The following LSM14A variants were observed in gnomAD, a reference collection of about 807,000 sequenced individuals.
LSM14A encodes LSM14A mRNA processing body assembly factor.
Under a neutral mutation model 52.4 loss-of-function variants are expected in LSM14A, and 14 were observed. The ratio of observed to expected loss-of-function variants is 0.27; its 90% confidence interval spans 0.18 to 0.42. The LOEUF (loss-of-function observed/expected upper bound fraction) is 0.42. Among genes scored for constraint, LSM14A ranks in the 10% least tolerant of loss-of-function variants. LSM14A has a pLI of 1.00. For missense variants in LSM14A, 417 were observed against 581.8 expected, an observed-to-expected ratio of 0.72 and a Z score of 2.91; for synonymous variants, 185 against 200.3, an observed-to-expected ratio of 0.92 and a Z score of 0.64.
intron 1 of LSM14A, among the ~76,000 whole-genome samples, chr19:34,178,618 T>G (rs2069248083): frequency 6.6e-6 from 1 of 152,242 alleles, no homozygotes; most frequent in Non-Finnish European, 1.5e-5. Flanking sequence ...CTCCAGACTC[T>G]GAGCTCCTGG....
chr19:34,179,707 G>A (rs780814629), intron 1 of LSM14A, among the ~76,000 whole-genome samples: 2 of 151,926 alleles, frequency 1.3e-5, no homozygotes, highest in Non-Finnish European at 2.9e-5. Context: ...GAAGGAAGTA[G>A]GAAGAAAAAA....
At chr19:34,221,341 C>A in intron 8 of LSM14A, 166 bp from the exon 9 acceptor site, 1 of 767,182 alleles carries the variant, frequency 1.3e-6, no homozygotes, top group Non-Finnish European at 2.0e-6. Context: ...CTCGGCCTCC[C>A]AAAGTGCTGG....
intron 1 of LSM14A, 67 bp downstream of exon 1, chr19:34,172,830 GCCC>G: frequency 6.8e-7 from 1 of 1,473,066 alleles, no homozygotes; most frequent in Non-Finnish European, 9.0e-7. Context: ...CCCCGCTCCG[GCCC>G]GCGGCCTCCT....
chr19:34,221,861 C>T (rs1157270684), intron 9 of LSM14A, 123 bp downstream of exon 9: 4 of 1,445,428 alleles, frequency 2.8e-6, no homozygotes, highest in Non-Finnish European at 3.7e-6. Context: ...TCCATTTTGA[C>T]TTTTCAGTAG....
At chr19:34,221,388 C>T (rs2073052930) in intron 8 of LSM14A, 119 bp from the exon 9 acceptor site, 1 of 1,179,986 alleles carries the variant, frequency 8.5e-7, no homozygotes, top group Non-Finnish European at 1.2e-6. Context: ...AGCCAAGATG[C>T]TTATTTCTAA....
At chr19:34,191,228 A>T (rs1020304918) in intron 1 of LSM14A, among the ~76,000 whole-genome samples, 1 of 151,560 alleles carries the variant, frequency 6.6e-6, no homozygotes, top group Non-Finnish European at 1.5e-5. Flanking sequence ...TACCCTTTCA[A>T]TGTTGTTTTG....
chr19:34,197,382 C>T lies in LSM14A; in HGVS notation c.415+619C>T, dbSNP rs998380791. 3.3e-5 allele frequency among the ~76,000 whole-genome samples: 5 copies of T among 149,552 alleles called. No homozygotes were observed. The East Asian group carries it at 6.0e-4, about 18-fold the overall frequency. On this transcript the variant is annotated intron_variant, in intron 3 of 9. Coordinates refer to ENST00000544216, the MANE Select transcript of LSM14A (RefSeq NM_015578.4). ...CTAGGATTACAGGTGTGAGCCACTG[C>T]GCCTGGCCTGGATTTTAATTAATAA... is the stretch of plus-strand genomic sequence containing the variant.
At chr19:34,187,176 G>T (rs1333682333) in intron 1 of LSM14A, among the ~76,000 whole-genome samples, 1 of 150,964 alleles carries the variant, frequency 6.6e-6, no homozygotes, top group Non-Finnish European at 1.5e-5. Context: ...TTGAACCCAG[G>T]AAGCAGAGGT....
At chr19:34,206,816 G>A (rs145351312) in intron 3 of LSM14A, among the ~76,000 whole-genome samples, 376 of 152,296 alleles carry the variant, frequency 2.5e-3, no homozygotes, top group Non-Finnish European at 4.0e-3. Flanking sequence ...GAACATAAAC[G>A]TAGTAATGTT....
chr19:34,173,314 C>T (rs1199858312), intron 1 of LSM14A, among the ~76,000 whole-genome samples: 3 of 152,184 alleles, frequency 2.0e-5, no homozygotes, highest in African/African-American at 7.2e-5. Context: ...CCATCTCCCT[C>T]GGCTCATCCT....
chr19:34,194,417 T>TG (rs1453477053), intron 1 of LSM14A, 61 bp from the exon 2 acceptor site: 4 of 1,344,782 alleles, frequency 3.0e-6, no homozygotes, highest in Non-Finnish European at 4.2e-6. Flanking sequence ...ATTTAGAATC[T>TG]GGGGTACTAC....
At chr19:34,179,207 G>A (rs755614613) in intron 1 of LSM14A, among the ~76,000 whole-genome samples, 6 of 152,180 alleles carry the variant, frequency 3.9e-5, no homozygotes, top group Non-Finnish European at 7.4e-5. Flanking sequence ...GAGATTGGTG[G>A]AAGAATAGAA....
chr19:34,208,724 T>C (rs1026016432), intron 3 of LSM14A: 95 of 467,982 alleles, frequency 2.0e-4, no homozygotes, highest in Non-Finnish European at 1.3e-4. Flanking sequence ...GACAGTATAT[T>C]GGCTCCCCCT....
rs781028091 is a variant in LSM14A at position 34,201,881 on chromosome 19, G to T, written c.415+5118G>T. ...CTGTCATCCAGGCTGGAGTACAGTG[G>T]CACAACCACAGGTCGCTGCAGCCTA... On this transcript the variant is annotated intron_variant, in intron 3 of 9. Coordinates refer to ENST00000544216, the MANE Select transcript of LSM14A (RefSeq NM_015578.4). Among the ~76,000 whole-genome samples, 43 of 152,048 alleles carry T rather than the reference G, an allele frequency of 2.8e-4. 1 individual carries two copies. The highest frequency in any genetic ancestry group is 9.6e-4 in the African/African-American group (40 of 41,484).
chr19:34,204,557 A>G (rs1267989111), intron 3 of LSM14A, among the ~76,000 whole-genome samples: 1 of 150,884 alleles, frequency 6.6e-6, no homozygotes, highest in African/African-American at 2.4e-5. Flanking sequence ...GCAAAAAAAA[A>G]AAAAAAATTT....
intron 1 of LSM14A, among the ~76,000 whole-genome samples, chr19:34,182,510 C>T (rs2069553853): frequency 6.6e-6 from 1 of 151,794 alleles, no homozygotes; most frequent in African/African-American, 2.4e-5. Context: ...GATTTTTCCT[C>T]TGAGTGTTTC....
At chr19:34,212,023 C>T (rs2072198401) in intron 4 of LSM14A, among the ~76,000 whole-genome samples, 1 of 151,946 alleles carries the variant, frequency 6.6e-6, no homozygotes, top group African/African-American at 2.4e-5. Flanking sequence ...GAATAGAAAG[C>T]AATAGGCAGG....
Position 34,172,631 on chromosome 19 carries a change from G to C in LSM14A, c.-12G>C. ...CTCTCTGCGAGCAGCTGGGAGCGGCGGCGGCGGCGCCATGAGCGGGGGCAC... is the reference window on the plus strand; with the variant it reads ...CTCTCTGCGAGCAGCTGGGAGCGGCCGCGGCGGCGCCATGAGCGGGGGCAC... On this transcript the variant is annotated 5_prime_UTR_variant, in exon 1 of 10. Coordinates refer to ENST00000544216, the MANE Select transcript of LSM14A (RefSeq NM_015578.4). 6.4e-7 allele frequency: 1 copy of C among 1,554,578 alleles called. No individual in the cohort carries two copies. The highest frequency in any genetic ancestry group is 8.7e-7 in the Non-Finnish European group (1 of 1,153,068).
intron 9 of LSM14A, 63 bp downstream of exon 9, chr19:34,221,801 T>A: frequency 6.5e-7 from 1 of 1,532,062 alleles, no homozygotes; most frequent in Non-Finnish European, 8.8e-7. Context: ...TCAAAACATT[T>A]TTACTTGTTT....
Sources: allele counts gnomAD v4.1 joint callset (sites outside exome capture counted in the v4.1 genomes callset), GRCh38; gene constraint gnomAD v4.1.1; transcripts MANE v1.5; gene names NCBI Gene and HGNC (gene_info 2026-07-23, HGNC 2026-07-21).